The following CDC42BPA variants were observed in gnomAD, a reference collection of about 807,000 sequenced individuals.
The protein encoded by CDC42BPA is CDC42 binding protein kinase alpha.
In CDC42BPA, 80 loss-of-function variants were observed where a neutral mutation model predicts 223.5. The ratio of observed to expected loss-of-function variants is 0.36; its 90% CI spans 0.30 to 0.43. The LOEUF (loss-of-function observed/expected upper bound fraction) is 0.43, where lower values mean the gene tolerates loss of function less well. Ranked by LOEUF, CDC42BPA falls within the 20% of genes least tolerant of loss-of-function variation. The pLI is 1.00. For synonymous variants in CDC42BPA, 694 were observed against 718.6 expected (o/e 0.97, Z 0.55); for missense variants, 1,743 against 2,099.9 (o/e 0.83, Z 3.32).
At chr1:227,129,691 A>AAAAAAAAAAAAAAC (rs1656616611) in intron 10 of CDC42BPA, among the ~76,000 whole-genome samples, 1 of 140,434 alleles carries the variant, frequency 7.1e-6, no homozygotes, top group Non-Finnish European at 1.5e-5. Flanking sequence ...AAAAAAAAAA[A>AAAAAAAAAAAAAAC]AAATCCACTG....
rs369524727 is a variant in CDC42BPA, at chr1:227,072,286, A to C, written c.2749T>G (p.Ser917Ala). 5 of 1,593,650 alleles carry C rather than the reference A, an allele frequency of 3.1e-6. No individual in the cohort carries two copies. The highest frequency in any genetic ancestry group is 4.3e-6 in the Non-Finnish European group (5 of 1,162,636). Reference sequence around the variant, plus strand: ...AGTAGTTCCAAGTTCTTCTTCTCTGAATCTTTTAGTTTACTTAAATAAGGA... The same window carrying C: ...AGTAGTTCCAAGTTCTTCTTCTCTGCATCTTTTAGTTTACTTAAATAAGGA... ...NIITECKLKD[S>A]EKKNLELLSE... is the part of the protein sequence containing the mutation. The change falls in exon 20 of 37, where the codon TCA (serine) becomes GCA (alanine). Residue 917 changes from serine to alanine, a missense_variant. Around this residue, in one of 6 missense-constraint regions of CDC42BPA, gnomAD observed 678 missense variants for 777.5 expected, o/e 0.87. Transcript: ENST00000366766.
At chr1:227,088,408 CTT>C (rs1233728419) in intron 16 of CDC42BPA, among the ~76,000 whole-genome samples, 3 of 152,084 alleles carry the variant, frequency 2.0e-5, no homozygotes, top group Admixed American at 6.5e-5. Context: ...AAAAAATGCT[CTT>C]AACATTTTAA....
In CDC42BPA at chr1:227,119,838, T is replaced by C. The variant is rs751418063; in HGVS notation, c.1613A>G (p.Lys538Arg). 1 of 1,596,060 alleles carries C rather than the reference T, an allele frequency of 6.3e-7. No individual in the cohort carries two copies. Among genetic ancestry groups the C allele is most frequent in the East Asian group, 2.2e-5 (1 of 44,508 alleles). Reference sequence around the variant, plus strand: ...ATCTTCTCTTTCTTGTTGTAACGTTTTGATTTGTTTTTCATAAGCCTTGAT... The same window carrying C: ...ATCTTCTCTTTCTTGTTGTAACGTTCTGATTTGTTTTTCATAAGCCTTGAT... Reference protein sequence around the residue: ...RQIKAYEKQIKTLQQEREDLN... With the variant: ...RQIKAYEKQIRTLQQEREDLN... Residue 538 changes from lysine to arginine, a missense_variant, in exon 12 of 37, where the codon AAA becomes AGA. Lys to Arg is a conservative substitution (Grantham distance 26, BLOSUM62 2). This residue lies in a region of CDC42BPA where 464 missense variants were observed against 488.0 expected (regional missense o/e 0.95). Coordinates refer to ENST00000366766, the MANE Select transcript of CDC42BPA (RefSeq NM_001394014.1).
intron 10 of CDC42BPA, among the ~76,000 whole-genome samples, chr1:227,137,513 A>G (rs1313256168): frequency 3.3e-5 from 5 of 152,102 alleles, no homozygotes; most frequent in Admixed American, 1.3e-4. Flanking sequence ...TCCCAGGTAT[A>G]TATCTGAGAG....
intron 1 of CDC42BPA, among the ~76,000 whole-genome samples, chr1:227,279,603 T>C (rs951263826): frequency 2.0e-5 from 3 of 152,164 alleles, no homozygotes; most frequent in Non-Finnish European, 2.9e-5. Context: ...CCAAAAGATA[T>C]ATTTAACTGA....
chr1:227,214,473 G>C (rs1674485644), intron 2 of CDC42BPA, among the ~76,000 whole-genome samples: 1 of 152,182 alleles, frequency 6.6e-6, no homozygotes, highest in South Asian at 2.1e-4. Context: ...AAAGAGGGCT[G>C]TAATAAAGAA....
At chr1:227,126,820 G>A (rs1689749153) in intron 11 of CDC42BPA, among the ~76,000 whole-genome samples, 1 of 152,144 alleles carries the variant, frequency 6.6e-6, no homozygotes, top group Admixed American at 6.5e-5. Flanking sequence ...ACCCTTAGAA[G>A]TACAGAAACA....
intron 7 of CDC42BPA, among the ~76,000 whole-genome samples, chr1:227,147,155 C>T (rs1322011189): frequency 6.6e-6 from 1 of 152,018 alleles, no homozygotes; most frequent in East Asian, 1.9e-4. Context: ...TCCTACTTAG[C>T]GGCATCTCTA....
At chr1:227,291,291 G>A (rs1558968718) in intron 1 of CDC42BPA, among the ~76,000 whole-genome samples, 4 of 152,172 alleles carry the variant, frequency 2.6e-5, no homozygotes, top group Admixed American at 2.0e-4. Context: ...GCTCATGCCT[G>A]TAATCCCAGC....
At chr1:227,175,377 GAGTAC>G (rs1666770749) in intron 5 of CDC42BPA, among the ~76,000 whole-genome samples, 1 of 151,866 alleles carries the variant, frequency 6.6e-6, no homozygotes, top group African/African-American at 2.4e-5. Flanking sequence ...TATATCCACT[GAGTAC>G]AATAGAAAAA....
chr1:227,187,562 A>C (rs1404278435), intron 5 of CDC42BPA, among the ~76,000 whole-genome samples: 1 of 151,464 alleles, frequency 6.6e-6, no homozygotes, highest in African/African-American at 2.4e-5. Context: ...TGTAATGGGA[A>C]TACCAGAAGG....
At chr1:226,997,341 T>TA (rs1351632315) in intron 35 of CDC42BPA, among the ~76,000 whole-genome samples, 1 of 152,168 alleles carries the variant, frequency 6.6e-6, no homozygotes, top group Non-Finnish European at 1.5e-5. Flanking sequence ...ATTTGATTCT[T>TA]CTCTCTTTTC....
chr1:227,214,033 C>A (rs2150373434), intron 2 of CDC42BPA, among the ~76,000 whole-genome samples: 1 of 152,128 alleles, frequency 6.6e-6, no homozygotes, highest in East Asian at 1.9e-4. Context: ...ACAGGCTAGC[C>A]CACAAAAGAG....
chr1:227,143,259 C>A (rs1057307309), intron 8 of CDC42BPA, among the ~76,000 whole-genome samples: 1 of 151,826 alleles, frequency 6.6e-6, no homozygotes, highest in Non-Finnish European at 1.5e-5. Flanking sequence ...ATTGAGAATA[C>A]AGTCATTATT....
At chr1:227,189,164 C>A (rs1669309008) in intron 5 of CDC42BPA, among the ~76,000 whole-genome samples, 1 of 152,128 alleles carries the variant, frequency 6.6e-6, no homozygotes, top group Non-Finnish European at 1.5e-5. Context: ...GCCGGTGTAT[C>A]CCAGTTGTAA....
chr1:227,183,640 T>C (rs1180102121), intron 5 of CDC42BPA, among the ~76,000 whole-genome samples: 1 of 152,194 alleles, frequency 6.6e-6, no homozygotes, highest in African/African-American at 2.4e-5. Flanking sequence ...CTATTACAAA[T>C]AAAGCCTCTA....
rs181720336 is a variant in CDC42BPA at position 227,105,344 on chromosome 1, T to C, written c.2002-4105A>G. Among the ~76,000 whole-genome samples, 589 of 147,902 alleles carry C rather than the reference T, an allele frequency of 4.0e-3. 1 individual carries two copies. Among genetic ancestry groups the C allele is most frequent in the Middle Eastern group, 0.01 (3 of 286 alleles). Reference sequence around the variant, plus strand: ...CTCTATTCTACTTTGTATCTGTGAATTTGCCTATTCTCTTTTTTTTTTTTT... The same window carrying C: ...CTCTATTCTACTTTGTATCTGTGAACTTGCCTATTCTCTTTTTTTTTTTTT... On this transcript the variant is annotated intron_variant, in intron 14 of 36. Coordinates refer to ENST00000366766, the MANE Select transcript of CDC42BPA (RefSeq NM_001394014.1).
chr1:227,248,684 G>A (rs1204400800), intron 2 of CDC42BPA, among the ~76,000 whole-genome samples: 2 of 151,406 alleles, frequency 1.3e-5, no homozygotes, highest in Non-Finnish European at 2.9e-5. Context: ...AGTTATCTAT[G>A]TGTATTTTTT....
chr1:227,112,491 A>G (rs1196734811), intron 13 of CDC42BPA, 69 bp from the exon 14 acceptor site: 2 of 1,199,274 alleles, frequency 1.7e-6, no homozygotes, highest in African/African-American at 3.1e-5. Context: ...ATTTATCCCA[A>G]TGAGAATTTA....
Sources: allele counts gnomAD v4.1 joint callset (sites outside exome capture counted in the v4.1 genomes callset), GRCh38; gene constraint gnomAD v4.1.1; regional missense constraint gnomAD v4.1.1; transcripts MANE v1.5; gene names NCBI Gene and HGNC (gene_info 2026-07-23, HGNC 2026-07-21).